Variants in COL20A1 observed in about 807,000 individuals in gnomAD.
The protein encoded by COL20A1 is collagen alpha-1(XX) chain.
Under a neutral mutation model 152.9 loss-of-function variants are expected in COL20A1, and 164 were observed. The observed-to-expected ratio is 1.07, with a 90% CI of 0.94 to 1.22. The LOEUF (loss-of-function observed/expected upper bound fraction) is 1.22, where lower values mean the gene tolerates loss of function less well. Among genes scored for constraint, COL20A1 ranks in the 50% most tolerant of loss-of-function variants. The pLI, the probability that COL20A1 is intolerant of heterozygous loss-of-function variation, is 0.00. For synonymous variants in COL20A1, 864 were observed against 756.0 expected (o/e 1.14, Z -2.34); for missense variants, 1,873 against 1,744.8 (o/e 1.07, Z -1.31).
At position 63,320,388 on chromosome 20, in the gene COL20A1, C is replaced by A. The variant is rs2068146371; in HGVS notation, c.3153+20C>A. The stretch of plus-strand genomic sequence containing the variant: ...GCCTCGGTGTGCCCCGTCCCTTGCC[C>A]CTGTTCCACGAAGCAAGTTAGGGCA... On this transcript the variant is annotated intron_variant, in intron 25 of 35. Coordinates refer to ENST00000358894, the MANE Select transcript of COL20A1 (RefSeq NM_020882.4). The A allele has an allele frequency of 1.9e-6, 3 of 1,609,098 alleles. No individual in the cohort carries two copies. Among genetic ancestry groups the A allele is most frequent in the African/African-American group, 2.7e-5 (2 of 74,906 alleles).
rs201791689 is a variant in COL20A1 at position 63,305,469 on chromosome 20, G to A, written c.246G>A (p.Val82=). 3.7e-6 allele frequency: 6 copies of A among 1,602,930 alleles called. 1 individual carries two copies. Among genetic ancestry groups the A allele is most frequent in the South Asian group, 3.4e-5 (3 of 89,228 alleles). ...ILTTKTPKAT[V]GGLSPSKGYT... is the part of the protein sequence containing the mutation. ...CCACCAAGACCCCTAAGGCCACAGT[G>A]GGGGGCCTGAGCCCCTCCAAGGGCT... Residue 82 remains valine (V), a synonymous_variant, in exon 4 of 36, where the codon GTG becomes GTA. Transcript: ENST00000358894. This position sits in a 1 kb window ranked among gnomAD's most constrained non-coding sequence, Gnocchi z 4.9.
rs1053622945 is a variant in COL20A1 at position 63,310,032 on chromosome 20, G to T, written c.1263+117G>T. ...AAATAACTGGGTCCAGGCTGAGAAG[G>T]GGGTGTCGAGGGGCTGACAGCCCAG... is the stretch of plus-strand genomic sequence containing the variant. On this transcript the variant is annotated intron_variant, in intron 10 of 35. Transcript: ENST00000358894. The T allele has an allele frequency of 6.6e-5, 64 of 969,434 alleles. 1 individual carries two copies. In the South Asian group the frequency reaches 1.1e-3, roughly 17 times the overall value. The allele number at this position is 969,434 out of a possible 1,614,324, so 60.1% of individuals were successfully genotyped here.
intron 30 of COL20A1, among the ~76,000 whole-genome samples, chr20:63,326,511 G>A (rs1230775767): frequency 1.3e-5 from 2 of 151,694 alleles, no homozygotes; most frequent in African/African-American, 2.4e-5. Context: ...GGCACAGCTG[G>A]GGACGTTTAG....
intron 3 of COL20A1, among the ~76,000 whole-genome samples, chr20:63,299,120 A>G (rs1298031861): frequency 6.6e-6 from 1 of 152,104 alleles, no homozygotes; most frequent in African/African-American, 2.4e-5. Context: ...GCTGTATAGT[A>G]TTCCCCTGTG....
rs752312950 is a variant in COL20A1, at chr20:63,325,522, A to C, written c.3348+28A>C. On this transcript the variant is annotated intron_variant, in intron 28 of 35. Coordinates refer to ENST00000358894, the MANE Select transcript of COL20A1 (RefSeq NM_020882.4). ...AGTGTGGCTGGGGCCAGGGGGCCACAGGGGTTGGTGGGGGTGGGGGAAGGA... is the reference window on the plus strand; with the variant it reads ...AGTGTGGCTGGGGCCAGGGGGCCACCGGGGTTGGTGGGGGTGGGGGAAGGA... The C allele has an allele frequency of 2.8e-6, 4 of 1,426,502 alleles. No individual in the cohort carries two copies. In the Admixed American group the frequency reaches 5.1e-5, roughly 18 times the overall value. 88.4% of individuals were successfully genotyped at this position (1,426,502 alleles called of 1,614,324 possible). A position where few individuals can be genotyped will look rare whatever the true frequency, so the allele number is the denominator to read the frequency against.
At chr20:63,295,646 G>A (rs1325179740) in intron 2 of COL20A1, among the ~76,000 whole-genome samples, 1 of 152,184 alleles carries the variant, frequency 6.6e-6, no homozygotes, top group African/African-American at 2.4e-5. Flanking sequence ...ACAGCACCAC[G>A]TCCTCAGAAG....
intron 27 of COL20A1, among the ~76,000 whole-genome samples, chr20:63,323,495 A>C (rs1383716525): frequency 6.6e-6 from 1 of 152,194 alleles, no homozygotes; most frequent in Non-Finnish European, 1.5e-5. Context: ...CGACACTCCC[A>C]GGTGGATTCG....
At chr20:63,318,613 G>A (rs963435063) in intron 21 of COL20A1, among the ~76,000 whole-genome samples, 3 of 152,140 alleles carry the variant, frequency 2.0e-5, no homozygotes, top group Non-Finnish European at 4.4e-5. Flanking sequence ...CCTGTGGGGT[G>A]TCCTGGGCCG....
Position 63,326,822 on chromosome 20 carries a change from C to T in COL20A1, c.3527C>T (p.Thr1176Ile), listed in dbSNP as rs1370752098. Residue 1176 changes from threonine to isoleucine, a missense_variant and splice_region_variant, in exon 31 of 36, where the codon ACA becomes ATA. Transcript: ENST00000358894. Reference protein sequence around the residue: ...ERGPPGTVGPTGLPGPKGERG... With the variant: ...ERGPPGTVGPIGLPGPKGERG... The stretch of plus-strand genomic sequence containing the variant: ...GGACCTCCAGGGACCGTGGGGCCCA[C>T]AGTAAGTGCATTTCCAACACCCACC... 8 of 1,498,564 alleles carry T rather than the reference C, an allele frequency of 5.3e-6. No homozygotes were observed. The highest frequency in any genetic ancestry group is 6.2e-6 in the Non-Finnish European group (7 of 1,135,348). 92.8% of individuals were successfully genotyped at this position (1,498,564 alleles called of 1,614,324 possible).
chr20:63,310,048 G>T, intron 10 of COL20A1, 133 bp downstream of exon 10: 1 of 893,182 alleles, frequency 1.1e-6, no homozygotes, highest in South Asian at 1.8e-5. Flanking sequence ...TCGAGGGGCT[G>T]ACAGCCCAGG....
rs1193860535 is a variant in COL20A1, at chr20:63,320,096, G to T, written c.2974G>T (p.Ala992Ser). The T allele has an allele frequency of 2.6e-6, 4 of 1,554,168 alleles. No individual in the cohort carries two copies. Among genetic ancestry groups the T allele is most frequent in the Non-Finnish European group, 3.5e-6 (4 of 1,149,738 alleles). ...VRLYVDCRKV[A>S]ERPLGEMGSP... Reference sequence around the variant, plus strand: ...GCTCTATGTGGACTGCCGGAAGGTGGCTGAGCGGCCCCTTGGGGAGATGGG... The same window carrying T: ...GCTCTATGTGGACTGCCGGAAGGTGTCTGAGCGGCCCCTTGGGGAGATGGG... The change falls in exon 24 of 36, where the codon GCT becomes TCT. Residue 992 changes from alanine (A) to serine (S), a missense_variant. Physicochemically the swap from Ala to Ser is moderately conservative, Grantham distance 99. Coordinates refer to ENST00000358894, the MANE Select transcript of COL20A1 (RefSeq NM_020882.4).
chr20:63,312,757 G>C, intron 15 of COL20A1, 35 bp from the exon 16 acceptor site: 1 of 1,514,562 alleles, frequency 6.6e-7, no homozygotes, highest in South Asian at 1.3e-5. Flanking sequence ...AGGCTCAGGG[G>C]CTACACCCCC....
chr20:63,300,512 A>G (rs2067851519), intron 3 of COL20A1, among the ~76,000 whole-genome samples: 1 of 152,140 alleles, frequency 6.6e-6, no homozygotes, highest in Non-Finnish European at 1.5e-5. Flanking sequence ...TGTTTTTCAT[A>G]TTACCCCATA....
rs1437367545 is a variant in COL20A1, at chr20:63,329,568, C to T, written c.3782-17C>T. ...ACTGCATTGCTCCGTCCTCACATGCCCTCCCTTTCCTCGCAGGGGAGCCTG... is the reference window on the plus strand; with the variant it reads ...ACTGCATTGCTCCGTCCTCACATGCTCTCCCTTTCCTCGCAGGGGAGCCTG... On this transcript the variant is annotated splice_polypyrimidine_tract_variant and intron_variant, in intron 34 of 35. Coordinates refer to ENST00000358894, the MANE Select transcript of COL20A1 (RefSeq NM_020882.4). The T allele has an allele frequency of 6.2e-6, 10 of 1,605,252 alleles. No homozygotes were observed. In the South Asian group the frequency reaches 1.1e-4, roughly 18 times the overall value.
At chr20:63,318,928 G>C in intron 21 of COL20A1, 130 bp from the exon 22 acceptor site, 1 of 711,884 alleles carries the variant, frequency 1.4e-6, no homozygotes, top group Non-Finnish European at 2.4e-6. Context: ...CGGGTGCAGG[G>C]GTCCACCATG....
chr20:63,328,231 C>G, intron 33 of COL20A1, 100 bp from the exon 34 acceptor site: 2 of 1,554,222 alleles, frequency 1.3e-6, no homozygotes, highest in African/African-American at 1.4e-5. Flanking sequence ...CGCCTTCACC[C>G]ATCGTTAGCA....
rs767604880 is a variant in COL20A1 at position 63,328,107 on chromosome 20, A to G, written c.3593A>G (p.Tyr1198Cys). The part of the protein sequence containing the change: ...KGEPQSLATL[Y>C]QLVSQASHVS... ...GAGCCGCAGTCCCTTGCCACCCTCT[A>G]CCAGCTTGTGAGCCAGGCCTGTGAG... Residue 1198 changes from tyrosine (Y) to cysteine (C), a missense_variant, in exon 33 of 36, where the codon TAC becomes TGC. Transcript: ENST00000358894. 9.7e-5 allele frequency: 157 copies of G among 1,612,988 alleles called. No homozygotes were observed. The highest frequency in any genetic ancestry group is 1.2e-4 in the Non-Finnish European group (147 of 1,179,780).
At chr20:63,299,045 C>T (rs926657627) in intron 3 of COL20A1, among the ~76,000 whole-genome samples, 8 of 152,246 alleles carry the variant, frequency 5.3e-5, no homozygotes, top group African/African-American at 1.9e-4. Flanking sequence ...TCCCTCATGT[C>T]TGTGTCTTTG....
At position 63,312,924 on chromosome 20, in the gene COL20A1, A is replaced by G; in HGVS notation, c.2066A>G (p.Lys689Arg). The G allele has an allele frequency of 1.3e-6, 2 of 1,551,706 alleles. No individual in the cohort carries two copies. Among genetic ancestry groups the G allele is most frequent in the African/African-American group, 1.4e-5 (1 of 73,406 alleles). Residue 689 changes from lysine (K) to arginine (R), a missense_variant, in exon 16 of 36, where the codon AAG becomes AGG. By Grantham distance (26) the Lys-to-Arg change is conservative (BLOSUM62 2). Transcript: ENST00000358894. ...ACGTGGACGCCCCTGGGAGAGGGGA[A>G]GGCTCACGAGGTGGGCAGGGGTGGG... is the stretch of plus-strand genomic sequence containing the variant. ...QITWTPLGEGKAHEISVPGNL... is the reference protein window; with the variant it reads ...QITWTPLGEGRAHEISVPGNL...
Sources: allele counts gnomAD v4.1 joint callset (sites outside exome capture counted in the v4.1 genomes callset), GRCh38; gene constraint gnomAD v4.1.1; non-coding constraint Gnocchi (gnomAD v3.1); transcripts MANE v1.5; gene names NCBI Gene and HGNC (gene_info 2026-07-23, HGNC 2026-07-21).